The following TDRD6 variants were observed in gnomAD, a reference collection of about 807,000 sequenced individuals.
The protein encoded by TDRD6 is tudor domain containing 6, also known as tudor domain-containing protein 6.
In TDRD6, 186 loss-of-function variants were observed where a neutral mutation model predicts 157.5. The ratio of observed to expected loss-of-function variants is 1.18; its 90% confidence interval spans 1.05 to 1.33. TDRD6 has a LOEUF of 1.33. Ranked by LOEUF, TDRD6 falls within the 40% of genes most tolerant of loss-of-function variation. The probability of loss-of-function intolerance (pLI) is 0.00; values close to 1 mark genes in which losing one functional copy is unlikely to be tolerated. For missense variants in TDRD6, 3,066 were observed against 2,508.0 expected, an observed-to-expected ratio of 1.22 and a Z score of -4.75; for synonymous variants, 1,075 against 945.2, an observed-to-expected ratio of 1.14 and a Z score of -2.52.
At position 46,688,194 on chromosome 6, in the gene TDRD6, C is replaced by T. The variant is rs758235858; in HGVS notation, c.66C>T (p.Asp22=). 5 of 1,548,594 alleles carry T rather than the reference C, an allele frequency of 3.2e-6. No individual in the cohort carries two copies. In the East Asian group the frequency reaches 1.2e-4, roughly 37 times the overall value. ...ASLALRVSFV[D]VHPDVIPVQL... ...TGGCCCTGCGGGTGTCCTTCGTGGA[C>T]GTGCATCCCGATGTGATCCCGGTGC... The change falls in exon 1 of 4, where the codon GAC becomes GAT. Residue 22 remains aspartate (D), a synonymous_variant. Transcript: ENST00000316081.
chr6:46,683,650 T>A (rs1764014807), upstream of TDRD6, among the ~76,000 whole-genome samples: 1 of 152,124 alleles, frequency 6.6e-6, no homozygotes, highest in South Asian at 2.1e-4. Flanking sequence ...AATTTAAGAT[T>A]TTTAATCTTT....
rs1157137669 is a variant in TDRD6, at chr6:46,688,530, G to A, written c.402G>A (p.Leu134=). ...SEVLGCVLAG[L]VPAGCGAGSG... ...TGCTGGGCTGCGTGCTAGCGGGCCT[G>A]GTGCCGGCAGGCTGCGGCGCGGGCT... The change falls in exon 1 of 4, where the codon CTG becomes CTA. Residue 134 remains leucine, a synonymous_variant. Transcript: ENST00000316081. 1.9e-6 allele frequency: 3 copies of A among 1,571,474 alleles called. No homozygotes were observed. Among genetic ancestry groups the A allele is most frequent in the Non-Finnish European group, 2.6e-6 (3 of 1,163,274 alleles).
rs2150681464 is a variant in TDRD6 at position 46,693,862 on chromosome 6, G to A, written c.5734G>A (p.Ala1912Thr). The A allele has an allele frequency of 6.2e-7, 1 of 1,614,202 alleles. No homozygotes were observed. Among genetic ancestry groups the A allele is most frequent in the East Asian group, 2.2e-5 (1 of 44,886 alleles). Residue 1912 changes from alanine to threonine, a missense_variant, in exon 1 of 4, where the codon GCC (alanine) becomes ACC (threonine). Transcript: ENST00000316081. Reference protein sequence around the residue: ...EKQPELELPTAQLPLDDKMDP... With the variant: ...EKQPELELPTTQLPLDDKMDP... ...ACAGCCAGAACTAGAACTACCTACA[G>A]CCCAGCTGCCTTTAGATGACAAGAT...
chr6:46,700,149 C>T (rs1312806481), intron 3 of TDRD6, among the ~76,000 whole-genome samples: 2 of 152,012 alleles, frequency 1.3e-5, no homozygotes, highest in Non-Finnish European at 2.9e-5. Flanking sequence ...TATGTACATA[C>T]AAGATTCAGT....
At position 46,688,446 on chromosome 6, in the gene TDRD6, G is replaced by C. The variant is rs1224318883; in HGVS notation, c.318G>C (p.Thr106=). ...VFLLDEGRTI[T]AGAGSLAPGR... Reference sequence around the variant, plus strand: ...TGCTGGACGAGGGCCGCACCATCACGGCCGGAGCAGGCTCGCTGGCGCCTG... The same window carrying C: ...TGCTGGACGAGGGCCGCACCATCACCGCCGGAGCAGGCTCGCTGGCGCCTG... The change falls in exon 1 of 4, where the codon ACG becomes ACC. Residue 106 remains threonine (T), a synonymous_variant. Coordinates refer to ENST00000316081, the MANE Select transcript of TDRD6 (RefSeq NM_001010870.3). 15 of 1,542,538 alleles carry C rather than the reference G, an allele frequency of 9.7e-6. No homozygotes were observed. Among genetic ancestry groups the C allele is most frequent in the Non-Finnish European group, 1.3e-5 (15 of 1,146,228 alleles).
In TDRD6 at chr6:46,688,568, C is replaced by T. The variant is rs558820588; in HGVS notation, c.440C>T (p.Pro147Leu). 5.0e-6 allele frequency: 8 copies of T among 1,592,878 alleles called. No homozygotes were observed. The highest frequency in any genetic ancestry group is 2.2e-5 in the South Asian group (2 of 90,292). Residue 147 changes from proline to leucine, a missense_variant, in exon 1 of 4, where the codon CCG (proline) becomes CTG (leucine). By Grantham distance (98) the Pro-to-Leu change is moderately conservative. Transcript: ENST00000316081. ...AGCGAGSGEP[P>L]QHWPADAVDF... is the part of the protein sequence containing the mutation. ...TGCGGCGCGGGCTCAGGCGAGCCGC[C>T]GCAGCACTGGCCCGCCGACGCCGTG...
rs147704677 is a variant in TDRD6 at position 46,695,121 on chromosome 6, TATTAA to T, written c.6047-696_6047-692del. Among the ~76,000 whole-genome samples, 524 of 152,288 alleles carry T rather than the reference TATTAA, an allele frequency of 3.4e-3. 2 individuals carry two copies. The highest frequency in any genetic ancestry group is 0.012 in the African/African-American group (497 of 41,576). ...ACTTTTTAAATGTCAATTTTTATAT[TATTAA>T]ATTTGAACCATTGTAAAAATAAGGA... On this transcript the variant is annotated intron_variant, in intron 1 of 3. Coordinates refer to ENST00000316081, the MANE Select transcript of TDRD6 (RefSeq NM_001010870.3).
upstream of TDRD6, chr6:46,687,606 T>C (rs1764133596): frequency 6.6e-6 from 1 of 152,594 alleles, no homozygotes; most frequent in African/African-American, 2.4e-5. Flanking sequence ...GTACCTTGCC[T>C]GGCCCCCAGT....
Position 46,691,401 on chromosome 6 carries a change from G to A in TDRD6, c.3273G>A (p.Leu1091=). Residue 1091 remains leucine (L), a synonymous_variant, in exon 1 of 4, where the codon TTG becomes TTA. Coordinates refer to ENST00000316081, the MANE Select transcript of TDRD6 (RefSeq NM_001010870.3). ...IPSDAYDVLL[L]PMQAVRCSLS... is the part of the protein sequence containing the mutation. ...GTGATGCATATGATGTCTTACTTTT[G>A]CCCATGCAAGCTGTCAGATGTTCAT... The A allele has an allele frequency of 6.2e-7, 1 of 1,613,954 alleles. No individual in the cohort carries two copies. The highest frequency in any genetic ancestry group is 1.1e-5 in the South Asian group (1 of 91,044).
At chr6:46,685,287 A>G (rs1764064191), upstream of TDRD6, among the ~76,000 whole-genome samples, 2 of 152,104 alleles carry the variant, frequency 1.3e-5, no homozygotes, top group Admixed American at 1.3e-4. Flanking sequence ...GTTTTCTAAA[A>G]ATATCCAGTA....
chr6:46,686,902 C>A (rs190720496), upstream of TDRD6, among the ~76,000 whole-genome samples: 11 of 152,328 alleles, frequency 7.2e-5, no homozygotes, highest in Non-Finnish European at 1.5e-5. Flanking sequence ...CTAATCTGGA[C>A]AGACTGAAGA....
Position 46,693,543 on chromosome 6 carries a change from A to T in TDRD6, c.5415A>T (p.Ala1805=), listed in dbSNP as rs1250008029. The T allele has an allele frequency of 6.2e-7, 1 of 1,614,082 alleles. No homozygotes were observed. The highest frequency in any genetic ancestry group is 1.7e-5 in the Admixed American group (1 of 60,022). Residue 1805 remains alanine, a synonymous_variant, in exon 1 of 4, where the codon GCA becomes GCT. Transcript: ENST00000316081. ...TAGAGTGCCATCTGGTTGACAAAGC[A>T]GAGTTTGATGATAAATACCTGATTA... The part of the protein sequence containing the change: ...GELECHLVDK[A]EFDDKYLITG...
chr6:46,688,038 T>C lies in TDRD6; in HGVS notation c.-91T>C. 2 of 1,388,606 alleles carry C rather than the reference T, an allele frequency of 1.4e-6. No homozygotes were observed. The highest frequency in any genetic ancestry group is 5.9e-5 in the East Asian group (2 of 33,732). The allele number at this position is 1,388,606 out of a possible 1,614,324, so 86.0% of individuals were successfully genotyped here. ...CTGGGTCCTTTGAACCTAGTTTGGC[T>C]GGGACTCGCCTTCAGGCGGCGCGGA... On this transcript the variant is annotated 5_prime_UTR_variant, in exon 1 of 4. Coordinates refer to ENST00000316081, the MANE Select transcript of TDRD6 (RefSeq NM_001010870.3).
At position 46,691,198 on chromosome 6, in the gene TDRD6, A is replaced by G. The variant is rs561105993; in HGVS notation, c.3070A>G (p.Lys1024Glu). 2 of 1,612,956 alleles carry G rather than the reference A, an allele frequency of 1.2e-6. No homozygotes were observed. The highest frequency in any genetic ancestry group is 2.7e-5 in the African/African-American group (2 of 74,812). ...GTCATGTAGTATTACACAATTAAGT[A>G]AAGTTTTGCTGAATTTAAAAACATC... is the stretch of plus-strand genomic sequence containing the variant. ...QLSCSITQLS[K>E]VLLNLKTSPL... Residue 1024 changes from lysine to glutamate, a missense_variant, in exon 1 of 4, where the codon AAA (lysine) becomes GAA (glutamate). By Grantham distance (56) the Lys-to-Glu change is moderately conservative (BLOSUM62 1). Coordinates refer to ENST00000316081, the MANE Select transcript of TDRD6 (RefSeq NM_001010870.3).
chr6:46,691,436 T>C lies in TDRD6; in HGVS notation c.3308T>C (p.Ile1103Thr), dbSNP rs373649988. The change falls in exon 1 of 4, where the codon ATT becomes ACT. Residue 1103 changes from isoleucine to threonine, a missense_variant. Ile to Thr is a moderately conservative substitution (Grantham distance 89). Transcript: ENST00000316081. Reference protein sequence around the residue: ...MQAVRCSLSDIPDHIPEEVVV... With the variant: ...MQAVRCSLSDTPDHIPEEVVV... Reference sequence around the variant, plus strand: ...GCTGTCAGATGTTCATTATCTGATATTCCTGATCATATACCAGAAGAAGTG... The same window carrying C: ...GCTGTCAGATGTTCATTATCTGATACTCCTGATCATATACCAGAAGAAGTG... 1.1e-4 allele frequency: 181 copies of C among 1,613,982 alleles called. No homozygotes were observed. The highest frequency in any genetic ancestry group is 1.2e-4 in the Non-Finnish European group (143 of 1,179,972).
At chr6:46,687,452 G>A (rs796133410), upstream of TDRD6, 26 of 152,576 alleles carry the variant, frequency 1.7e-4, no homozygotes, top group Admixed American at 5.2e-4. Flanking sequence ...CTGAGCACCT[G>A]GCTGTCCACG....
rs773008436 is a variant in TDRD6 at position 46,689,979 on chromosome 6, T to C, written c.1851T>C (p.Val617=). The change falls in exon 1 of 4, where the codon GTT becomes GTC. Residue 617 remains valine, a synonymous_variant. Coordinates refer to ENST00000316081, the MANE Select transcript of TDRD6 (RefSeq NM_001010870.3). The part of the protein sequence containing the change: ...PLGKTWSQEA[V]SFFKKTVLHK... ...GAAAAACTTGGAGCCAGGAGGCAGTTTCCTTTTTTAAAAAGACTGTGCTCC... is the reference window on the plus strand; with the variant it reads ...GAAAAACTTGGAGCCAGGAGGCAGTCTCCTTTTTTAAAAAGACTGTGCTCC... 1.2e-6 allele frequency: 2 copies of C among 1,613,326 alleles called. No homozygotes were observed. Among genetic ancestry groups the C allele is most frequent in the African/African-American group, 2.7e-5 (2 of 74,798 alleles).
Position 46,687,987 on chromosome 6 carries a change from G to C in TDRD6, c.-142G>C, listed in dbSNP as rs2150674822. ...CTCGACGGGGGAGTTGCCGAGAAAA[G>C]GCCTCGCCGGCATTCTTCCCCTCCA... is the stretch of plus-strand genomic sequence containing the variant. On this transcript the variant is annotated 5_prime_UTR_variant, in exon 1 of 4. Coordinates refer to ENST00000316081, the MANE Select transcript of TDRD6 (RefSeq NM_001010870.3). The C allele has an allele frequency of 7.7e-7, 1 of 1,294,788 alleles. No individual in the cohort carries two copies. Among genetic ancestry groups the C allele is most frequent in the Admixed American group, 3.7e-5 (1 of 27,078 alleles). 80.2% of individuals were successfully genotyped at this position (1,294,788 alleles called of 1,614,324 possible). A position where few individuals can be genotyped will look rare whatever the true frequency, so the allele number is the denominator to read the frequency against.
chr6:46,688,488 C>A lies in TDRD6; in HGVS notation c.360C>A (p.Phe120Leu). The A allele has an allele frequency of 6.4e-7, 1 of 1,554,532 alleles. No homozygotes were observed. Among genetic ancestry groups the A allele is most frequent in the Non-Finnish European group, 8.7e-7 (1 of 1,152,462 alleles). Residue 120 changes from phenylalanine (F) to leucine (L), a missense_variant, in exon 1 of 4, where the codon TTC becomes TTA. Physicochemically the swap from Phe to Leu is conservative, Grantham distance 22. Coordinates refer to ENST00000316081, the MANE Select transcript of TDRD6 (RefSeq NM_001010870.3). Reference sequence around the variant, plus strand: ...TGGCGCCTGGGCGCAGAGAGTTCTTCAATTTGCCCTCGGAAGTGCTGGGCT... The same window carrying A: ...TGGCGCCTGGGCGCAGAGAGTTCTTAAATTTGCCCTCGGAAGTGCTGGGCT... ...GSLAPGRREFFNLPSEVLGCV... is the reference protein window; with the variant it reads ...GSLAPGRREFLNLPSEVLGCV...
Sources: gnomAD v4.1 joint callset for allele counts (sites outside exome capture counted in the v4.1 genomes callset) on GRCh38, gnomAD v4.1.1 for gene constraint, MANE v1.5 for transcripts, NCBI Gene and HGNC (gene_info 2026-07-23, HGNC 2026-07-21) for gene names.